Variants in ZNF804A observed in about 807,000 individuals in gnomAD.
ZNF804A encodes the protein zinc finger protein 804A.
Under a neutral mutation model 16.5 loss-of-function variants are expected in ZNF804A, and 2 were observed. The ratio of observed to expected loss-of-function variants is 0.12; its 90% confidence interval spans 0.05 to 0.38. ZNF804A has a LOEUF of 0.38. Among genes scored for constraint, ZNF804A ranks in the 10% least tolerant of loss-of-function variants. The pLI, the probability that ZNF804A is intolerant of heterozygous loss-of-function variation, is 0.99. For synonymous variants in ZNF804A, 534 were observed against 489.6 expected, an observed-to-expected ratio of 1.09 and a Z score of -1.20; for missense variants, 1,473 against 1,390.7, an observed-to-expected ratio of 1.06 and a Z score of -0.94.
chr2:184,915,465 A>G lies in ZNF804A; in HGVS notation c.256-18138A>G, dbSNP rs574339465. 9.9e-5 allele frequency among the ~76,000 whole-genome samples: 15 copies of G among 152,168 alleles called. 1 individual carries two copies. Among genetic ancestry groups the G allele is most frequent in the South Asian group, 6.2e-4 (3 of 4,828 alleles). On this transcript the variant is annotated intron_variant, in intron 2 of 3. Transcript: ENST00000302277. The stretch of plus-strand genomic sequence containing the variant: ...CAATGCCTCTTACACTTGAGTTTCT[A>G]TTACTCTCACTGTACTATCCAATGT...
intron 1 of ZNF804A, among the ~76,000 whole-genome samples, chr2:184,703,172 T>C (rs746044789): frequency 6.6e-6 from 1 of 152,202 alleles, no homozygotes; most frequent in Non-Finnish European, 1.5e-5. Flanking sequence ...GGAAAAACTG[T>C]AGTATTTACT....
chr2:184,812,517 A>G (rs1042613702), intron 1 of ZNF804A, among the ~76,000 whole-genome samples: 2 of 152,180 alleles, frequency 1.3e-5, no homozygotes, highest in Admixed American at 6.6e-5. Flanking sequence ...TTGGAAGATC[A>G]CAGAGGAAAA....
At chr2:184,723,937 AG>A (rs1190413383) in intron 1 of ZNF804A, among the ~76,000 whole-genome samples, 2 of 151,908 alleles carry the variant, frequency 1.3e-5, no homozygotes, top group Middle Eastern at 3.4e-3. Context: ...ATTCTTAAAA[AG>A]TTAGTTGACA....
At chr2:184,721,690 G>A (rs1346946065) in intron 1 of ZNF804A, among the ~76,000 whole-genome samples, 1 of 152,008 alleles carries the variant, frequency 6.6e-6, no homozygotes, top group African/African-American at 2.4e-5. Flanking sequence ...TTCTCAAAAA[G>A]CTAAAGCTAC....
intron 1 of ZNF804A, among the ~76,000 whole-genome samples, chr2:184,659,297 A>G (rs1337260380): frequency 6.6e-6 from 1 of 152,138 alleles, no homozygotes; most frequent in African/African-American, 2.4e-5. Flanking sequence ...ATTGTCATAT[A>G]TAGTCTGGCC....
At chr2:184,728,546 T>G (rs1339700226) in intron 1 of ZNF804A, among the ~76,000 whole-genome samples, 1 of 151,912 alleles carries the variant, frequency 6.6e-6, no homozygotes, top group Non-Finnish European at 1.5e-5. Context: ...GATAGGACTT[T>G]GCACCTAGAG....
chr2:184,907,947 A>T (rs1017914818), intron 2 of ZNF804A, among the ~76,000 whole-genome samples: 2 of 152,138 alleles, frequency 1.3e-5, no homozygotes, highest in African/African-American at 4.8e-5. Flanking sequence ...TGAATCCTAG[A>T]CTGTAGATAA....
At chr2:184,875,023 T>C (rs1424947011) in intron 2 of ZNF804A, among the ~76,000 whole-genome samples, 1 of 152,186 alleles carries the variant, frequency 6.6e-6, no homozygotes, top group Non-Finnish European at 1.5e-5. Context: ...GGTCTCACTT[T>C]CTACCACTGT....
At chr2:184,616,514 T>C (rs935127882) in intron 1 of ZNF804A, among the ~76,000 whole-genome samples, 1 of 152,190 alleles carries the variant, frequency 6.6e-6, no homozygotes, top group South Asian at 2.1e-4. Flanking sequence ...TTTACGATTA[T>C]TTCCATCTTA....
At chr2:184,823,969 T>A (rs1417589352) in intron 1 of ZNF804A, among the ~76,000 whole-genome samples, 1 of 152,158 alleles carries the variant, frequency 6.6e-6, no homozygotes, top group East Asian at 1.9e-4. Context: ...TACAAGCAAA[T>A]ATTAAGATAT....
intron 1 of ZNF804A, among the ~76,000 whole-genome samples, chr2:184,645,969 G>A (rs1049912015): frequency 6.6e-6 from 1 of 152,264 alleles, no homozygotes; most frequent in African/African-American, 2.4e-5. Flanking sequence ...ATGAGGGAGA[G>A]CGCTTTGTTT....
chr2:184,930,530 A>T (rs865880298), intron 2 of ZNF804A, among the ~76,000 whole-genome samples: 1 of 152,208 alleles, frequency 6.6e-6, no homozygotes, highest in Non-Finnish European at 1.5e-5. Flanking sequence ...TCTATAAATC[A>T]TGTCAATTTA....
intron 1 of ZNF804A, among the ~76,000 whole-genome samples, chr2:184,606,854 CAT>C (rs1266942711): frequency 2.0e-5 from 3 of 151,412 alleles, no homozygotes; most frequent in Non-Finnish European, 2.9e-5. Context: ...CACACACACA[CAT>C]ACACACACAC....
In ZNF804A at chr2:184,862,512, A is replaced by C. The variant is rs181605369; in HGVS notation, c.112-3857A>C. 3.7e-4 allele frequency among the ~76,000 whole-genome samples: 56 copies of C among 152,324 alleles called. No homozygotes were observed. The East Asian group carries it at 8.7e-3, about 24-fold the overall frequency. ...ATCATTTGCAAACTTAACTTCAGCCATGCTATGTTTCCTTTAATAATTTAG... is the reference window on the plus strand; with the variant it reads ...ATCATTTGCAAACTTAACTTCAGCCCTGCTATGTTTCCTTTAATAATTTAG... On this transcript the variant is annotated intron_variant, in intron 1 of 3. Coordinates refer to ENST00000302277, the MANE Select transcript of ZNF804A (RefSeq NM_194250.2).
intron 1 of ZNF804A, among the ~76,000 whole-genome samples, chr2:184,642,364 C>G (rs996429911): frequency 6.6e-6 from 1 of 152,008 alleles, no homozygotes; most frequent in African/African-American, 2.4e-5. Context: ...CTTCCATTTT[C>G]TTTGCTTTCC....
chr2:184,719,091 C>A (rs191077535), intron 1 of ZNF804A, among the ~76,000 whole-genome samples: 1 of 152,288 alleles, frequency 6.6e-6, no homozygotes, highest in African/African-American at 2.4e-5. Context: ...TTCTCAAACC[C>A]CAGTTCTTGA....
At chr2:184,885,131 A>G (rs185062655) in intron 2 of ZNF804A, among the ~76,000 whole-genome samples, 18 of 152,358 alleles carry the variant, frequency 1.2e-4, no homozygotes, top group African/African-American at 3.8e-4. Context: ...AATGCAAATG[A>G]AAACCACAGT....
At chr2:184,845,225 A>C in intron 1 of ZNF804A, among the ~76,000 whole-genome samples, 1 of 151,742 alleles carries the variant, frequency 6.6e-6, no homozygotes, top group East Asian at 1.9e-4. Flanking sequence ...ATGATGTTTA[A>C]TTTTTTTCTT....
At chr2:184,611,685 CTTCTT>C (rs755208276) in intron 1 of ZNF804A, among the ~76,000 whole-genome samples, 1 of 139,542 alleles carries the variant, frequency 7.2e-6, no homozygotes, top group Non-Finnish European at 1.6e-5. Flanking sequence ...AACATTTCCT[CTTCTT>C]TTCAAAAAAA....
Sources: allele counts gnomAD v4.1 joint callset (sites outside exome capture counted in the v4.1 genomes callset), GRCh38; gene constraint gnomAD v4.1.1; transcripts MANE v1.5; gene names NCBI Gene and HGNC (gene_info 2026-07-23, HGNC 2026-07-21).